The following SLC44A1 variants were observed in gnomAD, a reference collection of about 807,000 sequenced individuals.
SLC44A1 encodes solute carrier family 44 member 1.
SLC44A1 carries 26 observed loss-of-function variants against 79.3 expected under a neutral mutation model. That is an observed-to-expected ratio of 0.33 (90% CI 0.24 to 0.46). The LOEUF is 0.46. Among genes scored for constraint, SLC44A1 ranks in the 20% least tolerant of loss-of-function variants. SLC44A1 has a pLI of 1.00. For synonymous variants in SLC44A1, 263 were observed against 286.2 expected (o/e 0.92, Z 0.82); for missense variants, 688 against 798.1 (o/e 0.86, Z 1.66).
chr9:105,358,989 T>G (rs1827703968), intron 7 of SLC44A1, among the ~76,000 whole-genome samples: 1 of 152,202 alleles, frequency 6.6e-6, no homozygotes, highest in African/African-American at 2.4e-5. Context: ...ACATAAACTT[T>G]CCTTCCTTTC....
intron 15 of SLC44A1, among the ~76,000 whole-genome samples, chr9:105,413,401 T>G (rs1829123555): frequency 6.6e-6 from 1 of 152,186 alleles, no homozygotes; most frequent in Non-Finnish European, 1.5e-5. Flanking sequence ...GCCTTCCCAA[T>G]ATAGGTGCCG....
At chr9:105,325,999 G>A (rs1476112057) in intron 3 of SLC44A1, among the ~76,000 whole-genome samples, 2 of 152,224 alleles carry the variant, frequency 1.3e-5, no homozygotes, top group African/African-American at 4.8e-5. Context: ...CAGTATGAGT[G>A]CTGAAACAAG....
intron 4 of SLC44A1, among the ~76,000 whole-genome samples, chr9:105,341,345 A>G (rs1353116241): frequency 6.6e-6 from 1 of 151,298 alleles, no homozygotes; most frequent in Non-Finnish European, 1.5e-5. Flanking sequence ...CAAAAAAAAA[A>G]AAAAAAGAAA....
intron 3 of SLC44A1, among the ~76,000 whole-genome samples, chr9:105,313,503 C>G (rs1300560281): frequency 6.6e-6 from 1 of 152,102 alleles, no homozygotes; most frequent in Non-Finnish European, 1.5e-5. Flanking sequence ...AGGGGAGGTT[C>G]CCCTTCTAAG....
chr9:105,373,502 GCT>G (rs1315561577), intron 12 of SLC44A1, among the ~76,000 whole-genome samples: 1 of 152,178 alleles, frequency 6.6e-6, no homozygotes, highest in Non-Finnish European at 1.5e-5. Context: ...AAACGTGTCA[GCT>G]AGAACTCAGT....
At chr9:105,335,294 T>A (rs1353535607) in intron 3 of SLC44A1, among the ~76,000 whole-genome samples, 4 of 152,152 alleles carry the variant, frequency 2.6e-5, no homozygotes, top group Non-Finnish European at 4.4e-5. Flanking sequence ...AAAACTAAAA[T>A]AGATGATTTC....
At chr9:105,428,573 T>C (rs1008880452) in intron 15 of SLC44A1, among the ~76,000 whole-genome samples, 33 of 152,370 alleles carry the variant, frequency 2.2e-4, no homozygotes, top group Admixed American at 2.6e-4. Context: ...TGTAAAAGAC[T>C]GATTGTTGGG....
rs185658288 is a variant in SLC44A1 at position 105,244,669 on chromosome 9, G to A, written c.-200G>A. ...GAGCAGGAGACGCGTAGCCGCCGTC[G>A]CCGCCGCCGGGGGATGTGGCCGGCG... On this transcript the variant is annotated 5_prime_UTR_variant, in exon 1 of 16. Coordinates refer to ENST00000374720, the MANE Select transcript of SLC44A1 (RefSeq NM_080546.5). 7,889 of 267,376 alleles carry A rather than the reference G, an allele frequency of 0.03. 147 individuals are homozygous for A. Among genetic ancestry groups the A allele is most frequent in the South Asian group, 0.042 (281 of 6,742 alleles). 16.6% of individuals were successfully genotyped at this position (267,376 alleles called of 1,614,324 possible).
chr9:105,377,116 A>T (rs992268666), intron 13 of SLC44A1, among the ~76,000 whole-genome samples: 2 of 152,210 alleles, frequency 1.3e-5, no homozygotes, highest in Non-Finnish European at 2.9e-5. Context: ...CATTATTTAT[A>T]TAGTGACCAA....
At position 105,396,467 on chromosome 9, in the gene SLC44A1, T is replaced by C. The variant is rs777711536; in HGVS notation, c.*7411T>C. The C allele has an allele frequency of 8.1e-6, 8 of 985,410 alleles. No homozygotes were observed. The highest frequency in any genetic ancestry group is 9.6e-6 in the Non-Finnish European group (8 of 829,890). The allele number at this position is 985,410 out of a possible 1,614,324, so 61.0% of individuals were successfully genotyped here. ...TACTTACTGGCTGGCACAGCCTTTCTGAACTCCTTGAGTTTAGAATAGAGC... is the reference window on the plus strand; with the variant it reads ...TACTTACTGGCTGGCACAGCCTTTCCGAACTCCTTGAGTTTAGAATAGAGC... On this transcript the variant is annotated 3_prime_UTR_variant, in exon 16 of 16. Transcript: ENST00000374720.
intron 11 of SLC44A1, 66 bp downstream of exon 11, chr9:105,365,705 A>C: frequency 7.2e-7 from 1 of 1,397,992 alleles, no homozygotes; most frequent in Non-Finnish European, 1.0e-6. Context: ...TGCATGTAGT[A>C]AAGCACCCAA....
In SLC44A1 at chr9:105,312,702, T is replaced by C. The variant is rs187176472; in HGVS notation, c.269+2836T>C. ...AGTATTATTAGTTTTTATTATTTACTAATTTTTTAAGCCAGAAAATGGTGT... is the reference window on the plus strand; with the variant it reads ...AGTATTATTAGTTTTTATTATTTACCAATTTTTTAAGCCAGAAAATGGTGT... On this transcript the variant is annotated intron_variant, in intron 3 of 15. Coordinates refer to ENST00000374720, the MANE Select transcript of SLC44A1 (RefSeq NM_080546.5). Among the ~76,000 whole-genome samples, 75 of 152,374 alleles carry C rather than the reference T, an allele frequency of 4.9e-4. 1 individual carries two copies. The highest frequency in any genetic ancestry group is 1.8e-3 in the African/African-American group (74 of 41,586).
chr9:105,398,396 T>A (rs1487189717), downstream of SLC44A1, among the ~76,000 whole-genome samples: 3 of 152,216 alleles, frequency 2.0e-5, no homozygotes, highest in African/African-American at 7.2e-5. Context: ...TCTTAAACAC[T>A]GGAGGAATTT....
At chr9:105,351,432 G>C (rs111442823) in intron 5 of SLC44A1, among the ~76,000 whole-genome samples, 3,629 of 151,790 alleles carry the variant, frequency 0.024, 48 homozygotes, top group Middle Eastern at 0.048. Context: ...TACTCAGAAG[G>C]CTGAGACATG....
intron 15 of SLC44A1, among the ~76,000 whole-genome samples, chr9:105,414,611 A>G (rs766323950): frequency 5.9e-5 from 9 of 152,162 alleles, no homozygotes; most frequent in Non-Finnish European, 1.3e-4. Flanking sequence ...TTAGATAGTA[A>G]TAGATTTATT....
chr9:105,276,537 ATTAAG>A (rs1157236653), intron 1 of SLC44A1, among the ~76,000 whole-genome samples: 1 of 149,102 alleles, frequency 6.7e-6, no homozygotes, highest in African/African-American at 2.5e-5. Flanking sequence ...TTTGGAGAAA[ATTAAG>A]TTAGGAAACG....
In SLC44A1 at chr9:105,395,644, A is replaced by T. The variant is rs979357822; in HGVS notation, c.*6588A>T. 10 of 985,306 alleles carry T rather than the reference A, an allele frequency of 1.0e-5. No homozygotes were observed. In the African/African-American group the frequency reaches 1.7e-4, roughly 17 times the overall value. 61.0% of individuals were successfully genotyped at this position (985,306 alleles called of 1,614,324 possible). A position where few individuals can be genotyped will look rare whatever the true frequency, so the allele number is the denominator to read the frequency against. On this transcript the variant is annotated 3_prime_UTR_variant, in exon 16 of 16. Transcript: ENST00000374720. ...TAAATGTGATATGCCCTTTTGTCAC[A>T]GAAGTGTAAGACTTAAAGGGAATAT...
At chr9:105,332,547 C>T (rs1397676123) in intron 3 of SLC44A1, among the ~76,000 whole-genome samples, 10 of 152,088 alleles carry the variant, frequency 6.6e-5, no homozygotes, top group Admixed American at 6.6e-4. Context: ...CTTTTCAAAC[C>T]ATATACACAG....
At chr9:105,285,191 G>A (rs1000491037) in intron 1 of SLC44A1, among the ~76,000 whole-genome samples, 2 of 152,062 alleles carry the variant, frequency 1.3e-5, no homozygotes, top group Middle Eastern at 3.2e-3. Flanking sequence ...TTTTTTAATA[G>A]CAAAGTAGCA....
Sources: allele counts gnomAD v4.1 joint callset (sites outside exome capture counted in the v4.1 genomes callset), GRCh38; gene constraint gnomAD v4.1.1; transcripts MANE v1.5; gene names NCBI Gene and HGNC (gene_info 2026-07-23, HGNC 2026-07-21).